SORT1: variants seen among roughly 807,000 people sequenced by gnomAD.
The protein encoded by SORT1 is sortilin 1, also known as sortilin.
A neutral mutation model predicts 101.7 loss-of-function variants in SORT1; 39 were observed. The observed-to-expected ratio is 0.38, with a 90% CI of 0.30 to 0.50. The LOEUF (loss-of-function observed/expected upper bound fraction) is 0.50, where lower values mean the gene tolerates loss of function less well. Among genes scored for constraint, SORT1 ranks in the 20% least tolerant of loss-of-function variants. SORT1 has a pLI of 0.90. For missense variants in SORT1, 878 were observed against 1,040.4 expected (o/e 0.84, Z 2.15); for synonymous variants, 396 against 393.7 (o/e 1.01, Z -0.07).
Position 109,376,448 on chromosome 1 carries a change from T to C in SORT1, c.307-6859A>G, listed in dbSNP as rs147463980. On this transcript the variant is annotated intron_variant, in intron 1 of 19. Coordinates refer to ENST00000256637, the MANE Select transcript of SORT1 (RefSeq NM_002959.7). ...TTCTACCAAAAAGACACATGCACTA[T>C]GTTAATTATAGCTCTATTTACAATA... 1.5e-3 allele frequency among the ~76,000 whole-genome samples: 234 copies of C among 152,214 alleles called. 2 individuals are homozygous for C. Among genetic ancestry groups the C allele is most frequent in the African/African-American group, 5.3e-3 (221 of 41,536 alleles).
chr1:109,393,206 G>A, intron 1 of SORT1: 3 of 985,260 alleles, frequency 3.0e-6, no homozygotes, highest in South Asian at 4.7e-5. Flanking sequence ...CATACAACAC[G>A]GCCTCTCTAC....
rs923729189 is a variant in SORT1, at chr1:109,317,955, T to C, written c.2039A>G (p.Tyr680Cys). The C allele has an allele frequency of 6.2e-7, 1 of 1,612,442 alleles. No individual in the cohort carries two copies. Among genetic ancestry groups the C allele is most frequent in the South Asian group, 1.1e-5 (1 of 91,030 alleles). The change falls in exon 16 of 20, where the codon TAC becomes TGC. Residue 680 changes from tyrosine (Y) to cysteine (C), a missense_variant. Physicochemically the swap from Tyr to Cys is radical, Grantham distance 194. Coordinates refer to ENST00000256637, the MANE Select transcript of SORT1 (RefSeq NM_002959.7). ...LEDFLCDFGYYRPENDSKCVE... is the reference protein window; with the variant it reads ...LEDFLCDFGYCRPENDSKCVE... ...ACACTTGGAGTCATTTTCTGGACGG[T>C]AGTAGCCAAAATCACTGCAAGAGTC...
At chr1:109,355,072 T>A (rs1202151180) in intron 4 of SORT1, among the ~76,000 whole-genome samples, 4 of 151,728 alleles carry the variant, frequency 2.6e-5, no homozygotes, top group Non-Finnish European at 5.9e-5. Context: ...AATACAAAAA[T>A]TACCCAGGAG....
intron 14 of SORT1, 94 bp downstream of exon 14, chr1:109,324,805 T>C (rs1316301772): frequency 1.2e-6 from 1 of 824,676 alleles, no homozygotes; most frequent in Non-Finnish European, 1.9e-6. Context: ...CATATGCATC[T>C]GCTGATTCCA....
At chr1:109,347,942 A>G (rs141058308) in intron 6 of SORT1, among the ~76,000 whole-genome samples, 217 of 152,320 alleles carry the variant, frequency 1.4e-3, no homozygotes, top group African/African-American at 5.1e-3. Context: ...TTGATCCAAA[A>G]TGTCATTAGT....
At chr1:109,375,610 T>A (rs185846267) in intron 1 of SORT1, among the ~76,000 whole-genome samples, 6 of 138,526 alleles carry the variant, frequency 4.3e-5, no homozygotes, top group Non-Finnish European at 9.4e-5. Flanking sequence ...AACCCAGAGA[T>A]CCAAGAAGCT....
intron 3 of SORT1, among the ~76,000 whole-genome samples, chr1:109,363,697 AC>A (rs1650892949): frequency 1.3e-5 from 2 of 152,192 alleles, no homozygotes; most frequent in African/African-American, 4.8e-5. Flanking sequence ...ATCCAAATGA[AC>A]CTTTAACCAT....
intron 14 of SORT1, among the ~76,000 whole-genome samples, chr1:109,324,255 A>T (rs1001043134): frequency 1.3e-5 from 2 of 151,984 alleles, no homozygotes; most frequent in African/African-American, 2.4e-5. Flanking sequence ...CAGCCTCCCA[A>T]CTAGCTGGGA....
chr1:109,380,964 C>T (rs10858088), intron 1 of SORT1, among the ~76,000 whole-genome samples: 98,292 of 151,766 alleles, frequency 0.65, 33,678 homozygotes, highest in East Asian at 0.96. Flanking sequence ...AAAAATATGA[C>T]ATTTTTGCCT....
intron 9 of SORT1, 75 bp from the exon 10 acceptor site, chr1:109,340,954 C>CAT (rs3217347): frequency 0.72 from 901,916 of 1,245,818 alleles, 330,487 homozygotes; most frequent in East Asian, 0.97. Flanking sequence ...TAACCACACA[C>CAT]GATTACCTGC....
At chr1:109,343,945 C>T (rs572283183) in intron 8 of SORT1, among the ~76,000 whole-genome samples, 76 of 152,302 alleles carry the variant, frequency 5.0e-4, no homozygotes, top group Admixed American at 1.3e-3. Flanking sequence ...CCACCATGCT[C>T]GGCCCAAAAC....
At chr1:109,387,419 G>A (rs890177632) in intron 1 of SORT1, among the ~76,000 whole-genome samples, 37 of 152,312 alleles carry the variant, frequency 2.4e-4, no homozygotes, top group African/African-American at 8.9e-4. Context: ...CTTGAGCCCA[G>A]GAATTCAAGG....
At chr1:109,340,937 A>G in intron 9 of SORT1, 58 bp from the exon 10 acceptor site, 1 of 1,403,884 alleles carries the variant, frequency 7.1e-7, no homozygotes, top group South Asian at 1.3e-5. Flanking sequence ...AGAGAAAAAC[A>G]ATAGTCTAAC....
Position 109,321,333 on chromosome 1 carries a change from G to A in SORT1, c.2024+1599C>T, listed in dbSNP as rs149389356. ...CTAAGTGGGAAGTCGCCAGACTTGGGGGTGAAGCAGGGACTGTGGAAAGAC... is the reference window on the plus strand; with the variant it reads ...CTAAGTGGGAAGTCGCCAGACTTGGAGGTGAAGCAGGGACTGTGGAAAGAC... On this transcript the variant is annotated intron_variant, in intron 15 of 19. Coordinates refer to ENST00000256637, the MANE Select transcript of SORT1 (RefSeq NM_002959.7). 3.9e-3 allele frequency among the ~76,000 whole-genome samples: 594 copies of A among 152,246 alleles called. 3 individuals carry two copies. The highest frequency in any genetic ancestry group is 6.4e-3 in the Non-Finnish European group (434 of 68,008).
At chr1:109,323,243 C>T (rs1647759738) in intron 14 of SORT1, 122 bp from the exon 15 acceptor site, 1 of 668,290 alleles carries the variant, frequency 1.5e-6, no homozygotes, top group East Asian at 2.6e-5. Context: ...CAACCTATTC[C>T]TTCATTTTGG....
chr1:109,335,763 G>A (rs997920116), intron 11 of SORT1, among the ~76,000 whole-genome samples: 1 of 152,130 alleles, frequency 6.6e-6, no homozygotes, highest in African/African-American at 2.4e-5. Context: ...AACAGGGGCT[G>A]CCTTGCGTCC....
chr1:109,363,805 T>C (rs746044489), intron 3 of SORT1, among the ~76,000 whole-genome samples: 6 of 152,182 alleles, frequency 3.9e-5, no homozygotes, highest in Non-Finnish European at 8.8e-5. Context: ...TGGGCTTTTA[T>C]CGGTAATTGG....
intron 1 of SORT1, among the ~76,000 whole-genome samples, chr1:109,375,852 A>C (rs943802662): frequency 4.6e-5 from 7 of 151,594 alleles, no homozygotes; most frequent in Non-Finnish European, 8.8e-5. Context: ...GTAATTCTAT[A>C]GCAAGTGAAA....
At chr1:109,357,817 G>A (rs1277643343) in intron 3 of SORT1, among the ~76,000 whole-genome samples, 2 of 152,102 alleles carry the variant, frequency 1.3e-5, no homozygotes, top group African/African-American at 2.4e-5. Context: ...ACAATTGGGC[G>A]CCACCCAACA....
Sources: gnomAD v4.1 joint callset for allele counts (sites outside exome capture counted in the v4.1 genomes callset) on GRCh38, gnomAD v4.1.1 for gene constraint, MANE v1.5 for transcripts, NCBI Gene and HGNC (gene_info 2026-07-23, HGNC 2026-07-21) for gene names.